Variants in METTL13 observed in about 807,000 individuals in gnomAD.
METTL13 encodes the protein eEF1A lysine and N-terminal methyltransferase.
A neutral mutation model predicts 67.4 loss-of-function variants in METTL13; 52 were observed. The observed-to-expected ratio is 0.77, with a 90% CI of 0.62 to 0.97. METTL13 has a LOEUF of 0.97. METTL13 is among the 50% of genes least tolerant of loss of function. METTL13 has a pLI of 0.00. For synonymous variants in METTL13, 354 were observed against 353.6 expected, an observed-to-expected ratio of 1.00 and a Z score of -0.01; for missense variants, 825 against 889.6, an observed-to-expected ratio of 0.93 and a Z score of 0.92.
chr1:171,786,171 G>A lies in METTL13; in HGVS notation c.1113+93G>A. ...AGCCTTGGCAGGAGCTAGGACTAGA[G>A]TCTGTGACTCTTCATCTAATCCTGG... On this transcript the variant is annotated intron_variant, in intron 3 of 7. Transcript: ENST00000361735. The A allele has an allele frequency of 2.3e-6, 3 of 1,314,134 alleles. No homozygotes were observed. In the South Asian group the frequency reaches 4.4e-5, roughly 19 times the overall value. 81.4% of individuals were successfully genotyped at this position (1,314,134 alleles called of 1,614,324 possible).
At chr1:171,791,151 T>G (rs1374343086) in intron 5 of METTL13, among the ~76,000 whole-genome samples, 3 of 152,240 alleles carry the variant, frequency 2.0e-5, no homozygotes, top group African/African-American at 7.2e-5. Context: ...TTTTGTCCTA[T>G]CTTAGTGTTG....
Position 171,781,786 on chromosome 1 carries a change from CG to C in METTL13, c.-181del. On this transcript the variant is annotated 5_prime_UTR_variant, in exon 1 of 8. It removes the in-frame stop codon of an upstream open reading frame in the 5' UTR. Transcript: ENST00000361735. ...TGTGAGATTCAGTGGTCCATGCGTGCGTTTGTCGTGTAAGGGTCATTCCTGG... is the reference window on the plus strand; with the variant it reads ...TGTGAGATTCAGTGGTCCATGCGTGCTTTGTCGTGTAAGGGTCATTCCTGG... 7.1e-7 allele frequency: 1 copy of C among 1,415,498 alleles called. No individual in the cohort carries two copies. Among genetic ancestry groups the C allele is most frequent in the Non-Finnish European group, 9.2e-7 (1 of 1,084,820 alleles). The allele number at this position is 1,415,498 out of a possible 1,614,324, so 87.7% of individuals were successfully genotyped here. A position where few individuals can be genotyped will look rare whatever the true frequency, so the allele number is the denominator to read the frequency against.
At position 171,782,206 on chromosome 1, in the gene METTL13, C is replaced by T. The variant is rs1038230670; in HGVS notation, c.153+86C>T. ...GAATCTTGCACTTGGTGGACAGTGA[C>T]AGGCGGGAGGACCCTAGTTGGACGC... On this transcript the variant is annotated intron_variant, in intron 1 of 7. Coordinates refer to ENST00000361735, the MANE Select transcript of METTL13 (RefSeq NM_015935.5). 3.4e-6 allele frequency: 4 copies of T among 1,169,856 alleles called. No individual in the cohort carries two copies. In the African/African-American group the frequency reaches 6.1e-5, roughly 18 times the overall value. 72.5% of individuals were successfully genotyped at this position (1,169,856 alleles called of 1,614,324 possible).
At chr1:171,783,254 G>C (rs141836439) in intron 1 of METTL13, among the ~76,000 whole-genome samples, 1 of 152,010 alleles carries the variant, frequency 6.6e-6, no homozygotes, top group African/African-American at 2.4e-5. Flanking sequence ...TTTTAAGTTC[G>C]GCTTCAGAAG....
rs1656911325 is a variant in METTL13, at chr1:171,783,941, T to G, written c.355T>G (p.Leu119Val). The change falls in exon 2 of 8, where the codon TTG becomes GTG. Residue 119 changes from leucine to valine, a missense_variant. Transcript: ENST00000361735. ...TCCTGATGCCTCGTTCCAGGTGGTG[T>G]TGGACAAGGGCACCCTGGATGCTGT... is the stretch of plus-strand genomic sequence containing the variant. ...EFPDASFQVV[L>V]DKGTLDAVLT... 7 of 1,614,074 alleles carry G rather than the reference T, an allele frequency of 4.3e-6. No homozygotes were observed. Among genetic ancestry groups the G allele is most frequent in the Non-Finnish European group, 5.9e-6 (7 of 1,180,036 alleles).
intron 6 of METTL13, 50 bp downstream of exon 6, chr1:171,792,285 C>T (rs777151174): frequency 3.7e-6 from 6 of 1,601,564 alleles, no homozygotes; most frequent in Non-Finnish European, 5.1e-6. Flanking sequence ...ATTGATGCGA[C>T]ATTGTCAGGC....
In METTL13 at chr1:171,797,534, A is replaced by G. The variant is rs2029870143; in HGVS notation, c.*778A>G. ...AAGTGAAAATGTTTAAGAATGACCA[A>G]AAACATTAGTAATGAAAGTTAATGT... is the stretch of plus-strand genomic sequence containing the variant. On this transcript the variant is annotated 3_prime_UTR_variant, in exon 8 of 8. Transcript: ENST00000361735. The G allele has an allele frequency of 6.6e-6, 1 of 152,234 alleles. No homozygotes were observed. Among genetic ancestry groups the G allele is most frequent in the Admixed American group, 6.5e-5 (1 of 15,288 alleles). 9.4% of individuals were successfully genotyped at this position (152,234 alleles called of 1,614,324 possible).
Position 171,781,816 on chromosome 1 carries a change from T to A in METTL13, c.-152T>A. ...GTCGTGTAAGGGTCATTCCTGGGGT[T>A]TGGAGTGGGGGAACAAATCAATGTG... is the stretch of plus-strand genomic sequence containing the variant. On this transcript the variant is annotated 5_prime_UTR_variant, in exon 1 of 8. In the 5' UTR this introduces an upstream ATG that the reference lacks. Coordinates refer to ENST00000361735, the MANE Select transcript of METTL13 (RefSeq NM_015935.5). The A allele has an allele frequency of 6.8e-7, 1 of 1,465,182 alleles. No homozygotes were observed. The highest frequency in any genetic ancestry group is 9.0e-7 in the Non-Finnish European group (1 of 1,109,458). 90.8% of individuals were successfully genotyped at this position (1,465,182 alleles called of 1,614,324 possible). A position where few individuals can be genotyped will look rare whatever the true frequency, so the allele number is the denominator to read the frequency against.
Position 171,782,037 on chromosome 1 carries a change from C to A in METTL13, c.70C>A (p.Arg24=). 6.2e-7 allele frequency: 1 copy of A among 1,614,054 alleles called. No homozygotes were observed. The highest frequency in any genetic ancestry group is 8.5e-7 in the Non-Finnish European group (1 of 1,180,018). The change falls in exon 1 of 8, where the codon CGA becomes AGA. Residue 24 remains arginine (R), a synonymous_variant. Transcript: ENST00000361735. ...CTATTGGGAGAAGTTCTTCCAGCAG[C>A]GAGGAAAGAAAGCTTTCGAGTGGTA... ...VDYWEKFFQQ[R]GKKAFEWYGT... is the part of the protein sequence containing the mutation.
rs1656837263 is a variant in METTL13, at chr1:171,781,987, GT to G, written c.22del (p.Ser8ProfsTer47). 1 of 1,614,046 alleles carries G rather than the reference GT, an allele frequency of 6.2e-7. No individual in the cohort carries two copies. The highest frequency in any genetic ancestry group is 1.7e-5 in the Admixed American group (1 of 60,008). The stretch of plus-strand genomic sequence containing the variant: ...AGGAACATGAACCTCTTACCTAAAA[GT>G]TCCAGGGAGTTTGGCTCCGTTGACT... MNLLPK[S>X]SREFGSVDYW... On this transcript the variant is annotated frameshift_variant, in exon 1 of 8. Coordinates refer to ENST00000361735, the MANE Select transcript of METTL13 (RefSeq NM_015935.5). LOFTEE classifies it high-confidence loss of function.
rs769944953 is a variant in METTL13 at position 171,787,782 on chromosome 1, G to A, written c.1161G>A (p.Gln387=). 6.2e-7 allele frequency: 1 copy of A among 1,614,196 alleles called. No homozygotes were observed. Among genetic ancestry groups the A allele is most frequent in the South Asian group, 1.1e-5 (1 of 91,088 alleles). ...GGGACATTGGGGTCCGGACCGTTCA[G>A]CACCAAGACTGCAGCCCCTTGAGCG... The part of the protein sequence containing the change: ...VGGDIGVRTV[Q]HQDCSPLSGD... Residue 387 remains glutamine (Q), a synonymous_variant, in exon 4 of 8, where the codon CAG becomes CAA. Coordinates refer to ENST00000361735, the MANE Select transcript of METTL13 (RefSeq NM_015935.5).
At chr1:171,790,705 C>A in intron 5 of METTL13, 89 bp downstream of exon 5, 1 of 1,282,718 alleles carries the variant, frequency 7.8e-7, no homozygotes, top group Non-Finnish European at 1.0e-6. Flanking sequence ...AGTTGAAGAA[C>A]AGCAATTACA....
intron 5 of METTL13, among the ~76,000 whole-genome samples, chr1:171,791,344 G>T (rs970476119): frequency 1.3e-5 from 2 of 152,198 alleles, no homozygotes; most frequent in African/African-American, 4.8e-5. Flanking sequence ...CTTGGTGAGG[G>T]TGTCTGAGAA....
rs566018996 is a variant in METTL13 at position 171,788,938 on chromosome 1, G to A, written c.1309+1008G>A. Among the ~76,000 whole-genome samples the A allele has an allele frequency of 2.6e-5, 4 of 152,306 alleles. No homozygotes were observed. In the East Asian group the frequency reaches 5.8e-4, roughly 22 times the overall value. On this transcript the variant is annotated intron_variant, in intron 4 of 7. Transcript: ENST00000361735. ...TGAGCCTAGAATCAAGTTACCCAGC[G>A]AAATGGTATTTTTCTTTAGGGGTTT...
In METTL13 at chr1:171,784,294, G is replaced by A. The variant is rs1473043604; in HGVS notation, c.708G>A (p.Leu236=). The change falls in exon 2 of 8, where the codon CTG becomes CTA. Residue 236 remains leucine (L), a synonymous_variant. Transcript: ENST00000361735. ...CAQEQRKPVR[L]ESAERLAEAV... is the part of the protein sequence containing the mutation. ...AGGAGCAGCGCAAGCCTGTGCGGCTGGAGAGTGCCGAGCGGCTGGCCGAGG... is the reference window on the plus strand; with the variant it reads ...AGGAGCAGCGCAAGCCTGTGCGGCTAGAGAGTGCCGAGCGGCTGGCCGAGG... The A allele has an allele frequency of 1.2e-6, 2 of 1,611,688 alleles. No homozygotes were observed. The highest frequency in any genetic ancestry group is 2.2e-5 in the South Asian group (2 of 90,980).
In METTL13 at chr1:171,782,078, A is replaced by G. The variant is rs1469440227; in HGVS notation, c.111A>G (p.Glu37=). The G allele has an allele frequency of 6.2e-7, 1 of 1,614,102 alleles. No individual in the cohort carries two copies. Among genetic ancestry groups the G allele is most frequent in the African/African-American group, 1.3e-5 (1 of 74,996 alleles). ...KAFEWYGTYL[E]LCGVLHKYIK... ...TCGAGTGGTATGGAACCTACCTGGA[A>G]CTGTGCGGGGTGCTACATAAATATA... The change falls in exon 1 of 8, where the codon GAA becomes GAG. Residue 37 remains glutamate (E), a synonymous_variant. Transcript: ENST00000361735.
rs191131135 is a variant in METTL13, at chr1:171,791,591, G to A, written c.1475-426G>A. Among the ~76,000 whole-genome samples, 6 of 152,134 alleles carry A rather than the reference G, an allele frequency of 3.9e-5. No homozygotes were observed. In the East Asian group the frequency reaches 9.7e-4, roughly 25 times the overall value. The stretch of plus-strand genomic sequence containing the variant: ...CCTTAGGCTCCCACGTCAGCTTACC[G>A]TGTAGCTGGTACCACAGGTGTGTGT... On this transcript the variant is annotated intron_variant, in intron 5 of 7. Transcript: ENST00000361735.
intron 7 of METTL13, among the ~76,000 whole-genome samples, chr1:171,794,728 A>G (rs1018227389): frequency 6.6e-6 from 1 of 152,210 alleles, no homozygotes; most frequent in Non-Finnish European, 1.5e-5. Context: ...TTGTCCTCGC[A>G]AGAGTAATCA....
chr1:171,789,848 T>A (rs1201404517), intron 4 of METTL13, among the ~76,000 whole-genome samples: 1 of 99,410 alleles, frequency 1.0e-5, no homozygotes, highest in Non-Finnish European at 2.1e-5. Context: ...TGGGGCGGGG[T>A]AGGGGGGGCA....
Sources: allele counts gnomAD v4.1 joint callset (sites outside exome capture counted in the v4.1 genomes callset), GRCh38; gene constraint gnomAD v4.1.1; transcripts MANE v1.5; gene names NCBI Gene and HGNC (gene_info 2026-07-23, HGNC 2026-07-21).